Variants in POLR3C observed in about 807,000 individuals in gnomAD.
POLR3C encodes the protein RNA polymerase III subunit C, also known as DNA-directed RNA polymerase III subunit RPC3.
In POLR3C, 44 loss-of-function variants were observed where a neutral mutation model predicts 65.9. The observed-to-expected ratio is 0.67, with a 90% CI of 0.52 to 0.86. POLR3C has a LOEUF of 0.86. Ranked by LOEUF, POLR3C falls within the 40% of genes least tolerant of loss-of-function variation. The pLI is 0.00. For missense variants in POLR3C, 576 were observed against 653.2 expected, an observed-to-expected ratio of 0.88 and a Z score of 1.29; for synonymous variants, 263 against 231.6, an observed-to-expected ratio of 1.14 and a Z score of -1.23.
chr1:145,835,993 A>G (rs1434624318), intron 7 of POLR3C, among the ~76,000 whole-genome samples: 2 of 151,990 alleles, frequency 1.3e-5, no homozygotes, highest in Admixed American at 1.3e-4. Context: ...ATTCCACTTA[A>G]TGGCCGTGCT....
At chr1:145,837,814 T>G (rs2101653983) in intron 10 of POLR3C, among the ~76,000 whole-genome samples, 1 of 152,320 alleles carries the variant, frequency 6.6e-6, no homozygotes, top group Non-Finnish European at 1.5e-5. Flanking sequence ...CCTAAAGCCT[T>G]TGCTTACAAA....
At chr1:145,836,646 C>A (rs370663215) in intron 8 of POLR3C, 72 bp downstream of exon 8, 1 of 1,007,884 alleles carries the variant, frequency 9.9e-7, no homozygotes, top group Non-Finnish European at 1.6e-6. Flanking sequence ...GCACTGATAC[C>A]TAGTGTCATC....
intron 5 of POLR3C, among the ~76,000 whole-genome samples, chr1:145,830,310 G>GAA (rs1180462246): frequency 6.9e-6 from 1 of 145,260 alleles, no homozygotes. Context: ...GTTTTAAAGG[G>GAA]AAAAAAAAAA....
chr1:145,828,694 C>A, intron 4 of POLR3C, 55 bp from the exon 5 acceptor site: 2 of 1,210,354 alleles, frequency 1.7e-6, no homozygotes, highest in South Asian at 2.4e-5. Context: ...CATGTTTGGT[C>A]ATTTCCTGTC....
In POLR3C at chr1:145,843,532, C is replaced by T. The variant is rs781850426; in HGVS notation, c.*1112C>T. On this transcript the variant is annotated 3_prime_UTR_variant, in exon 15 of 15. Transcript: ENST00000334163. ...CCCTCAAGCCAGTCACCATCATTTACTAAGCACCTGTTTTGTGCTAAGTAC... is the reference window on the plus strand; with the variant it reads ...CCCTCAAGCCAGTCACCATCATTTATTAAGCACCTGTTTTGTGCTAAGTAC... Among the ~76,000 whole-genome samples the T allele has an allele frequency of 6.6e-6, 1 of 152,132 alleles. No individual in the cohort carries two copies. The highest frequency in any genetic ancestry group is 1.5e-5 in the Non-Finnish European group (1 of 67,996).
rs1652486619 is a variant in POLR3C, at chr1:145,844,100, A to C, written c.*1680A>C. ...ATTGGTACAGCCACTGTGGAAGACT[A>C]CAGAGGTTCCTCAAAAAACTAAAAA... On this transcript the variant is annotated 3_prime_UTR_variant, in exon 15 of 15. Coordinates refer to ENST00000334163, the MANE Select transcript of POLR3C (RefSeq NM_006468.8). 6.6e-6 allele frequency among the ~76,000 whole-genome samples: 1 copy of C among 152,090 alleles called. No individual in the cohort carries two copies. Among genetic ancestry groups the C allele is most frequent in the Non-Finnish European group, 1.5e-5 (1 of 68,038 alleles).
In POLR3C at chr1:145,833,326, C is replaced by T; in HGVS notation, c.745C>T (p.Gln249Ter). ...LDRFHQHFRDQAIVSAVANRM... is the reference protein window; with the variant it reads ...LDRFHQHFRD ...CAGATTCCACCAACACTTCCGTGACCAAGCCATTGTGAGCGCAGTTGCTAA... is the reference window on the plus strand; with the variant it reads ...CAGATTCCACCAACACTTCCGTGACTAAGCCATTGTGAGCGCAGTTGCTAA... The change falls in exon 6 of 15, where the codon CAA becomes TAA. Residue 249 changes from glutamine (Q) to a stop codon, truncating the protein, a stop_gained. Coordinates refer to ENST00000334163, the MANE Select transcript of POLR3C (RefSeq NM_006468.8). LOFTEE classifies it high-confidence loss of function. 6.2e-7 allele frequency: 1 copy of T among 1,613,558 alleles called. No homozygotes were observed. The highest frequency in any genetic ancestry group is 8.5e-7 in the Non-Finnish European group (1 of 1,179,550).
intron 9 of POLR3C, 95 bp downstream of exon 9, chr1:145,836,961 C>T (rs1651902498): frequency 3.1e-6 from 2 of 636,644 alleles, no homozygotes; most frequent in Admixed American, 3.0e-5. Flanking sequence ...GTTTATTATA[C>T]TAAATAAATT....
At chr1:145,829,188 G>C (rs150409853) in intron 5 of POLR3C, among the ~76,000 whole-genome samples, 1 of 152,156 alleles carries the variant, frequency 6.6e-6, no homozygotes, top group Non-Finnish European at 1.5e-5. Flanking sequence ...CCTTCTTAGC[G>C]TACCTATAAA....
At chr1:145,836,613 T>G (rs782715919) in intron 8 of POLR3C, 39 bp downstream of exon 8, 1 of 1,255,474 alleles carries the variant, frequency 8.0e-7, no homozygotes, top group Non-Finnish European at 1.2e-6. Flanking sequence ...TTCTTTAGCC[T>G]GTACTGTTGA....
chr1:145,837,641 C>G (rs782318499), intron 10 of POLR3C, 45 bp downstream of exon 10: 1 of 1,207,568 alleles, frequency 8.3e-7, no homozygotes, highest in East Asian at 2.3e-5. Context: ...ACTTCCTATC[C>G]CCAGTGAAGT....
At chr1:145,830,246 C>G (rs1651191237) in intron 5 of POLR3C, among the ~76,000 whole-genome samples, 1 of 146,696 alleles carries the variant, frequency 6.8e-6, no homozygotes, top group Non-Finnish European at 1.5e-5. Context: ...AAGAATGATG[C>G]AAAACAAAAT....
chr1:145,825,640 C>A, intron 1 of POLR3C, 117 bp from the exon 2 acceptor site: 3 of 532,922 alleles, frequency 5.6e-6, no homozygotes, highest in Admixed American at 7.5e-5. Context: ...ATTTTTAAGG[C>A]TTTTTGATAT....
chr1:145,831,699 T>C (rs1363880469), intron 5 of POLR3C, among the ~76,000 whole-genome samples: 1 of 152,134 alleles, frequency 6.6e-6, no homozygotes, highest in Non-Finnish European at 1.5e-5. Context: ...AAGAGGAATC[T>C]GTGGATACTG....
intron 2 of POLR3C, 125 bp from the exon 3 acceptor site, chr1:145,826,329 A>T: frequency 1.4e-6 from 1 of 729,276 alleles, no homozygotes; most frequent in Non-Finnish European, 2.3e-6. Flanking sequence ...GGAGAGAGGA[A>T]ATAAGTGCAG....
At chr1:145,840,717 A>G (rs1652227862) in intron 13 of POLR3C, among the ~76,000 whole-genome samples, 1 of 152,152 alleles carries the variant, frequency 6.6e-6, no homozygotes, top group Admixed American at 6.5e-5. Context: ...AAAGCACCAA[A>G]CTTTTAAGTG....
At position 145,844,238 on chromosome 1, in the gene POLR3C, C is replaced by T. The variant is rs1553731515; in HGVS notation, c.*1818C>T. On this transcript the variant is annotated 3_prime_UTR_variant, in exon 15 of 15. Coordinates refer to ENST00000334163, the MANE Select transcript of POLR3C (RefSeq NM_006468.8). Reference sequence around the variant, plus strand: ...CCCATGTTTATTGCAGCAGTATTCACGATAGCCAAAACATGGAATCAACCT... The same window carrying T: ...CCCATGTTTATTGCAGCAGTATTCATGATAGCCAAAACATGGAATCAACCT... Among the ~76,000 whole-genome samples the T allele has an allele frequency of 1.3e-5, 2 of 152,022 alleles. No homozygotes were observed. Among genetic ancestry groups the T allele is most frequent in the African/African-American group, 4.8e-5 (2 of 41,366 alleles).
Position 145,826,814 on chromosome 1 carries a change from A to G in POLR3C, c.404-6A>G, listed in dbSNP as rs1553725923. ...TCTCATCTGCCTTTTTCCTCCTGTT[A>G]TACAGATGGCAAGACCATGGACTAT... On this transcript the variant is annotated splice_region_variant and splice_polypyrimidine_tract_variant and intron_variant, in intron 3 of 14. Transcript: ENST00000334163. The G allele has an allele frequency of 2.5e-6, 4 of 1,607,230 alleles. No homozygotes were observed. The highest frequency in any genetic ancestry group is 3.4e-6 in the Non-Finnish European group (4 of 1,175,430).
At position 145,828,833 on chromosome 1, in the gene POLR3C, A is replaced by G. The variant is rs1332273410; in HGVS notation, c.674A>G (p.Lys225Arg). The G allele has an allele frequency of 1.3e-6, 2 of 1,550,464 alleles. No homozygotes were observed. Among genetic ancestry groups the G allele is most frequent in the African/African-American group, 1.4e-5 (1 of 73,664 alleles). Residue 225 changes from lysine to arginine, a missense_variant, in exon 5 of 15, where the codon AAG becomes AGG. Transcript: ENST00000334163. ...AKRPKYTTDN[K>R]EPIPDDGIYW... ...AGACCAAAATATACTACAGATAACA[A>G]GGAGGTAATGGGGCTTCTTGATTAG...
Sources: allele counts gnomAD v4.1 joint callset (sites outside exome capture counted in the v4.1 genomes callset), GRCh38; gene constraint gnomAD v4.1.1; transcripts MANE v1.5; gene names NCBI Gene and HGNC (gene_info 2026-07-23, HGNC 2026-07-21).